Variants in INSR observed in about 807,000 individuals in gnomAD.
INSR encodes the protein insulin receptor.
INSR carries 67 observed loss-of-function variants against 142.6 expected under a neutral mutation model. The observed-to-expected ratio is 0.47, with a 90% confidence interval of 0.39 to 0.58. INSR has a LOEUF of 0.58. Ranked by LOEUF, INSR falls within the 20% of genes least tolerant of loss-of-function variation. The probability of loss-of-function intolerance (pLI) is 0.00; values close to 1 mark genes in which losing one functional copy is unlikely to be tolerated. For synonymous variants in INSR, 756 were observed against 743.1 expected, an observed-to-expected ratio of 1.02 and a Z score of -0.28; for missense variants, 1,248 against 1,833.2, an observed-to-expected ratio of 0.68 and a Z score of 5.83.
At chr19:7,255,796 G>A (rs1468195729) in intron 2 of INSR, among the ~76,000 whole-genome samples, 1 of 151,834 alleles carries the variant, frequency 6.6e-6, no homozygotes, top group African/African-American at 2.4e-5. Context: ...CCCAGGCTGA[G>A]CTCGAATTCT....
intron 2 of INSR, among the ~76,000 whole-genome samples, chr19:7,187,270 C>A (rs187577396): frequency 8.5e-4 from 128 of 150,626 alleles, no homozygotes; most frequent in African/African-American, 3.0e-3. Flanking sequence ...TTAGTAGAGA[C>A]GGGGTTTCAC....
rs1972628711 is a variant in INSR, at chr19:7,125,629, G to C, written c.3014-102C>G. 5 of 1,485,676 alleles carry C rather than the reference G, an allele frequency of 3.4e-6. No homozygotes were observed. Among genetic ancestry groups the C allele is most frequent in the Non-Finnish European group, 3.7e-6 (4 of 1,080,264 alleles). The allele number at this position is 1,485,676 out of a possible 1,614,324, so 92.0% of individuals were successfully genotyped here. A position where few individuals can be genotyped will look rare whatever the true frequency, so the allele number is the denominator to read the frequency against. The stretch of plus-strand genomic sequence containing the variant: ...CCCAAACCCCCTCGAAAACACTCAT[G>C]AAATGAGTTCTGTGATCCAGGACCC... On this transcript the variant is annotated intron_variant, in intron 16 of 21. Coordinates refer to ENST00000302850, the MANE Select transcript of INSR (RefSeq NM_000208.4). This position sits in a 1 kb window ranked among gnomAD's most constrained non-coding sequence, Gnocchi z 4.9.
intron 15 of INSR, among the ~76,000 whole-genome samples, chr19:7,127,511 G>A (rs976824908): frequency 1.3e-5 from 2 of 152,070 alleles, no homozygotes; most frequent in Non-Finnish European, 2.9e-5. Flanking sequence ...TGCAGTTGAG[G>A]TTATTTACAT....
intron 12 of INSR, among the ~76,000 whole-genome samples, chr19:7,142,034 T>A (rs147146675): frequency 6.1e-4 from 91 of 149,548 alleles, no homozygotes; most frequent in African/African-American, 2.2e-3. Context: ...TGAGACAGAG[T>A]CTTGCTCTGT....
chr19:7,184,663 GAAAT>G lies in INSR; in HGVS notation c.653-30_653-27del, dbSNP rs57380348. The G allele has an allele frequency of 0.013, 12,498 of 953,008 alleles. 516 individuals are homozygous for G. The highest frequency in any genetic ancestry group is 0.13 in the African/African-American group (6,803 of 53,606). The allele number at this position is 953,008 out of a possible 1,614,324, so 59.0% of individuals were successfully genotyped here. The stretch of plus-strand genomic sequence containing the variant: ...CTGGAGAGAGAGAGAGAGAGAGAGG[GAAAT>G]AAATAAATAAATAAATAAATAAATA... On this transcript the variant is annotated intron_variant, in intron 2 of 21. Transcript: ENST00000302850.
At chr19:7,257,979 C>G (rs12978472) in intron 2 of INSR, among the ~76,000 whole-genome samples, 14,836 of 152,252 alleles carry the variant, frequency 0.097, 840 homozygotes, top group Middle Eastern at 0.13. Flanking sequence ...CCCGCCACCA[C>G]GCTCAGCTAA....
Position 7,293,996 on chromosome 19 carries a change from T to G in INSR, c.-105A>C. On this transcript the variant is annotated 5_prime_UTR_variant, in exon 1 of 22. Transcript: ENST00000302850. ...AAGAGGCGCTGGGGGCCGCGCGTCC[T>G]TCTCTTCCACGCCCGCGACCCGCGG... 9.1e-7 allele frequency: 1 copy of G among 1,097,464 alleles called. No homozygotes were observed. Among genetic ancestry groups the G allele is most frequent in the South Asian group, 4.5e-5 (1 of 22,100 alleles). The allele number at this position is 1,097,464 out of a possible 1,614,324, so 68.0% of individuals were successfully genotyped here. A position where few individuals can be genotyped will look rare whatever the true frequency, so the allele number is the denominator to read the frequency against.
At chr19:7,202,412 T>C (rs1974986438) in intron 2 of INSR, among the ~76,000 whole-genome samples, 1 of 152,212 alleles carries the variant, frequency 6.6e-6, no homozygotes, top group Non-Finnish European at 1.5e-5. Context: ...GTTCACATCA[T>C]TGTCATCTTC....
At chr19:7,129,615 G>A (rs1284396145) in intron 14 of INSR, among the ~76,000 whole-genome samples, 1 of 152,146 alleles carries the variant, frequency 6.6e-6, no homozygotes, top group Non-Finnish European at 1.5e-5. Flanking sequence ...GTGAGCCAAC[G>A]TGCCCGGCCA....
chr19:7,265,791 TAGA>T (rs761005520), intron 2 of INSR, among the ~76,000 whole-genome samples: 10 of 150,944 alleles, frequency 6.6e-5, no homozygotes, highest in Non-Finnish European at 7.4e-5. Context: ...CTTTCATGGG[TAGA>T]AGAAGACTTT....
intron 1 of INSR, among the ~76,000 whole-genome samples, chr19:7,273,807 G>T (rs1232916016): frequency 6.6e-6 from 1 of 150,630 alleles, no homozygotes; most frequent in Non-Finnish European, 1.5e-5. Context: ...GTGAGCCACC[G>T]TGCCTGACCA....
chr19:7,290,518 A>C (rs1158413228), intron 1 of INSR, among the ~76,000 whole-genome samples: 1 of 151,900 alleles, frequency 6.6e-6, no homozygotes, highest in Non-Finnish European at 1.5e-5. Context: ...CACACCTATA[A>C]TCCCAGGTCT....
Position 7,267,244 on chromosome 19 carries a change from C to T in INSR, c.652+101G>A. On this transcript the variant is annotated intron_variant, in intron 2 of 21. Transcript: ENST00000302850. The surrounding 1 kb of genome is among the most constrained non-coding windows in gnomAD (Gnocchi z 6.3). The stretch of plus-strand genomic sequence containing the variant: ...ATGCCACCACCCACTATTCCCCGGC[C>T]CCTACCTAATGACCATTTAACATTT... 1.6e-6 allele frequency: 2 copies of T among 1,268,186 alleles called. No individual in the cohort carries two copies. Among genetic ancestry groups the T allele is most frequent in the African/African-American group, 3.0e-5 (2 of 66,846 alleles). 78.6% of individuals were successfully genotyped at this position (1,268,186 alleles called of 1,614,324 possible). A position where few individuals can be genotyped will look rare whatever the true frequency, so the allele number is the denominator to read the frequency against.
intron 2 of INSR, among the ~76,000 whole-genome samples, chr19:7,215,582 T>TTTATTTATTTATTTA (rs879885858): frequency 1.6e-5 from 1 of 61,776 alleles, no homozygotes; most frequent in African/African-American, 6.8e-5. Context: ...TTATTTATTT[T>TTTATTTATTTATTTA]TTTGAGATGG....
intron 8 of INSR, 79 bp from the exon 9 acceptor site, chr19:7,163,278 A>C (rs760577731): frequency 1.6e-5 from 22 of 1,417,746 alleles, no homozygotes; most frequent in Non-Finnish European, 2.1e-5. Flanking sequence ...CGGGGGACAC[A>C]CAAGTTAAAG....
intron 1 of INSR, among the ~76,000 whole-genome samples, chr19:7,285,441 G>A (rs752267117): frequency 6.6e-6 from 1 of 151,938 alleles, no homozygotes; most frequent in Non-Finnish European, 1.5e-5. Context: ...CAGAGTTAGT[G>A]AGACTCCGTC....
At position 7,146,236 on chromosome 19, in the gene INSR, C is replaced by CCTTTTTTTTTTTTTTTTTTTTTTTTTT. The variant is rs1424523294; in HGVS notation, c.2268-3147_2268-3146insAAAAAAAAAAAAAAAAAAAAAAAAAAG. 3.6e-5 allele frequency among the ~76,000 whole-genome samples: 4 copies of CCTTTTTTTTTTTTTTTTTTTTTTTTTT among 110,756 alleles called. 2 individuals are homozygous for CCTTTTTTTTTTTTTTTTTTTTTTTTTT. 72.7% of individuals were successfully genotyped at this position (110,756 alleles called of 152,430 possible). A position where few individuals can be genotyped will look rare whatever the true frequency, so the allele number is the denominator to read the frequency against. On this transcript the variant is annotated intron_variant, in intron 11 of 21. Transcript: ENST00000302850. ...TTCAGTGCAGTATCTTTGTCAAGTT[C>CCTTTTTTTTTTTTTTTTTTTTTTTTTT]TTTTTTTTTTTTTTTTTTTTTTGAG...
At chr19:7,232,121 T>C (rs1975999020) in intron 2 of INSR, among the ~76,000 whole-genome samples, 1 of 152,166 alleles carries the variant, frequency 6.6e-6, no homozygotes, top group African/African-American at 2.4e-5. Context: ...TGAGGCAATG[T>C]CCTCCATTTT....
intron 2 of INSR, among the ~76,000 whole-genome samples, chr19:7,190,542 T>G (rs1053844285): frequency 9.9e-5 from 15 of 152,186 alleles, no homozygotes; most frequent in African/African-American, 3.6e-4. Context: ...CAGCTAATTT[T>G]TGTATTTTTA....
Sources: gnomAD v4.1 joint callset for allele counts (sites outside exome capture counted in the v4.1 genomes callset) on GRCh38, gnomAD v4.1.1 for gene constraint, Gnocchi (gnomAD v3.1) non-coding constraint, MANE v1.5 for transcripts, NCBI Gene and HGNC (gene_info 2026-07-23, HGNC 2026-07-21) for gene names.